Variants in MYZAP observed in about 807,000 individuals in gnomAD.
The protein encoded by MYZAP is GRINL1A complex locus upstream.
In MYZAP, 66 loss-of-function variants were observed where a neutral mutation model predicts 69.4. The ratio of observed to expected loss-of-function variants is 0.95; its 90% CI spans 0.78 to 1.17. MYZAP has a LOEUF of 1.17. Ranked by LOEUF, MYZAP falls within the 50% of genes most tolerant of loss-of-function variation. The pLI is 0.00. For missense variants in MYZAP, 611 were observed against 556.2 expected (o/e 1.10, Z -0.99); for synonymous variants, 256 against 205.9 (o/e 1.24, Z -2.09).
At chr15:57,606,122 T>C (rs1383557466) in intron 2 of MYZAP, among the ~76,000 whole-genome samples, 16 of 152,144 alleles carry the variant, frequency 1.1e-4, no homozygotes. Context: ...AAGATTATTG[T>C]AGGATATTCT....
At chr15:57,632,359 T>A (rs1595889699) in intron 6 of MYZAP, 75 bp from the exon 7 acceptor site, 1 of 1,597,946 alleles carries the variant, frequency 6.3e-7, no homozygotes, top group Non-Finnish European at 8.5e-7. Context: ...AGTCCCCACA[T>A]GAAATGTGCA....
At chr15:57,652,393 G>A (rs892060314) in intron 10 of MYZAP, among the ~76,000 whole-genome samples, 1 of 152,058 alleles carries the variant, frequency 6.6e-6, no homozygotes, top group South Asian at 2.1e-4. Flanking sequence ...GTTAAAAATA[G>A]GCTGAGCTTT....
At chr15:57,663,646 T>C (rs2038420607) in intron 11 of MYZAP, among the ~76,000 whole-genome samples, 1 of 152,176 alleles carries the variant, frequency 6.6e-6, no homozygotes, top group Non-Finnish European at 1.5e-5. Context: ...TCTGGGGGGT[T>C]GTGGCAGTTC....
At chr15:57,677,837 TTAAAC>T (rs1397718311) in intron 12 of MYZAP, among the ~76,000 whole-genome samples, 3 of 152,076 alleles carry the variant, frequency 2.0e-5, no homozygotes, top group African/African-American at 7.2e-5. Flanking sequence ...TCTTTCATCT[TTAAAC>T]TAAGAATGAA....
Position 57,621,711 on chromosome 15 carries a change from A to G in MYZAP, c.411+11A>G. ...ACCCAGGAACTATCAGTAAGTCATT[A>G]TCTCAGTTGCTTGGAGATAGGGAGG... On this transcript the variant is annotated intron_variant, in intron 4 of 12. Transcript: ENST00000267853. 1 of 1,613,242 alleles carries G rather than the reference A, an allele frequency of 6.2e-7. No individual in the cohort carries two copies. Among genetic ancestry groups the G allele is most frequent in the African/African-American group, 1.3e-5 (1 of 75,042 alleles).
Position 57,619,417 on chromosome 15 carries a change from A to G in MYZAP, c.318+1229A>G, listed in dbSNP as rs1450146919. Reference sequence around the variant, plus strand: ...ATCCAGGCTGGAGTGCAGTGGCACAATCACAGCTCACTGTGGCGACACAAT... The same window carrying G: ...ATCCAGGCTGGAGTGCAGTGGCACAGTCACAGCTCACTGTGGCGACACAAT... On this transcript the variant is annotated intron_variant, in intron 3 of 12. Transcript: ENST00000267853. Among the ~76,000 whole-genome samples, 3 of 152,204 alleles carry G rather than the reference A, an allele frequency of 2.0e-5. No individual in the cohort carries two copies. In the East Asian group the frequency reaches 5.8e-4, roughly 29 times the overall value.
intron 10 of MYZAP, among the ~76,000 whole-genome samples, chr15:57,643,742 T>G (rs1473680011): frequency 1.8e-5 from 2 of 108,288 alleles, no homozygotes; most frequent in African/African-American, 4.5e-5. Context: ...TTTTTTTTTG[T>G]TTTTTTTTTT....
chr15:57,615,718 C>G (rs2035393646), intron 2 of MYZAP, among the ~76,000 whole-genome samples: 1 of 152,166 alleles, frequency 6.6e-6, no homozygotes, highest in South Asian at 2.1e-4. Context: ...AATGCCAGCT[C>G]TTGACTCTGC....
At chr15:57,650,370 T>G in intron 10 of MYZAP, among the ~76,000 whole-genome samples, 1 of 152,180 alleles carries the variant, frequency 6.6e-6, no homozygotes, top group East Asian at 1.9e-4. Flanking sequence ...CTTATGAGCA[T>G]GAGTGCAAAA....
At chr15:57,655,397 C>T (rs1326519248) in intron 10 of MYZAP, among the ~76,000 whole-genome samples, 1 of 152,100 alleles carries the variant, frequency 6.6e-6, no homozygotes, top group Non-Finnish European at 1.5e-5. Context: ...AGCGGAAGGG[C>T]CTCCCGTGCC....
intron 1 of MYZAP, among the ~76,000 whole-genome samples, chr15:57,600,351 C>T (rs552613221): frequency 1.5e-4 from 23 of 152,296 alleles, no homozygotes; most frequent in Admixed American, 7.8e-4. Flanking sequence ...TAGCCTCAAG[C>T]GCCTGCTGCA....
chr15:57,653,763 G>T (rs1404346293), intron 10 of MYZAP, among the ~76,000 whole-genome samples: 2 of 151,916 alleles, frequency 1.3e-5, no homozygotes, highest in African/African-American at 4.8e-5. Flanking sequence ...CCAGCACTTC[G>T]GGAGGCTGAG....
intron 11 of MYZAP, 143 bp downstream of exon 11, chr15:57,661,676 A>G (rs2038316425): frequency 1.4e-6 from 1 of 716,876 alleles, no homozygotes; most frequent in East Asian, 3.0e-5. Flanking sequence ...AGCCTTGAAA[A>G]TGAGGTTCTG....
chr15:57,642,392 A>G (rs2037211255), intron 10 of MYZAP, among the ~76,000 whole-genome samples: 1 of 152,222 alleles, frequency 6.6e-6, no homozygotes, highest in African/African-American at 2.4e-5. Context: ...AATCCGGAGT[A>G]CTGAATTGGT....
chr15:57,617,703 A>G (rs2035556051), intron 2 of MYZAP, among the ~76,000 whole-genome samples: 1 of 152,196 alleles, frequency 6.6e-6, no homozygotes, highest in Non-Finnish European at 1.5e-5. Flanking sequence ...CAGCATTATT[A>G]AGAGCATGAG....
intron 2 of MYZAP, among the ~76,000 whole-genome samples, chr15:57,607,099 C>T (rs2034802625): frequency 6.6e-6 from 1 of 152,216 alleles, no homozygotes; most frequent in South Asian, 2.1e-4. Flanking sequence ...TGTCCAGGTG[C>T]TCAGAGCTGC....
chr15:57,660,366 G>T (rs191713484), intron 10 of MYZAP, among the ~76,000 whole-genome samples: 2 of 152,258 alleles, frequency 1.3e-5, no homozygotes, highest in African/African-American at 4.8e-5. Context: ...CCAGGCTAGG[G>T]TGCAGTGGCA....
intron 11 of MYZAP, among the ~76,000 whole-genome samples, chr15:57,666,066 C>T (rs2038555465): frequency 6.6e-6 from 1 of 152,142 alleles, no homozygotes; most frequent in South Asian, 2.1e-4. Context: ...TGGCACAGTG[C>T]GAAAGATGGA....
intron 10 of MYZAP, among the ~76,000 whole-genome samples, chr15:57,641,837 G>C (rs771178778): frequency 1.3e-5 from 2 of 152,098 alleles, no homozygotes; most frequent in Admixed American, 1.3e-4. Context: ...ATGGTCAAGG[G>C]GCATGGACAG....
Sources: allele counts gnomAD v4.1 joint callset (sites outside exome capture counted in the v4.1 genomes callset), GRCh38; gene constraint gnomAD v4.1.1; transcripts MANE v1.5; gene names NCBI Gene and HGNC (gene_info 2026-07-23, HGNC 2026-07-21).